Variants in FXYD5 observed in about 807,000 individuals in gnomAD.
FXYD5 encodes the protein FXYD domain-containing ion transport regulator 5.
Under a neutral mutation model 25.7 loss-of-function variants are expected in FXYD5, and 21 were observed. The observed-to-expected ratio is 0.82, with a 90% CI of 0.58 to 1.18. The LOEUF (loss-of-function observed/expected upper bound fraction) is 1.18, where lower values mean the gene tolerates loss of function less well. Among genes scored for constraint, FXYD5 ranks in the 50% most tolerant of loss-of-function variants. The probability of loss-of-function intolerance (pLI) is 0.00; values close to 1 mark genes in which losing one functional copy is unlikely to be tolerated. For missense variants in FXYD5, 229 were observed against 227.7 expected (o/e 1.01, Z -0.04); for synonymous variants, 101 against 90.7 (o/e 1.11, Z -0.64).
At position 35,166,244 on chromosome 19, in the gene FXYD5, T is replaced by C. The variant is rs2065449558; in HGVS notation, c.413-7T>C. On this transcript the variant is annotated splice_region_variant and splice_polypyrimidine_tract_variant and intron_variant, in intron 7 of 8. Coordinates refer to ENST00000392219, the MANE Select transcript of FXYD5 (RefSeq NM_014164.6). Reference sequence around the variant, plus strand: ...CTGACTCTACCCCTTCATTTTTCTCTCTGCAGATGAACACACCCTCCGGAA... The same window carrying C: ...CTGACTCTACCCCTTCATTTTTCTCCCTGCAGATGAACACACCCTCCGGAA... 6.2e-7 allele frequency: 1 copy of C among 1,612,714 alleles called. No individual in the cohort carries two copies. The highest frequency in any genetic ancestry group is 1.3e-5 in the African/African-American group (1 of 75,016).
chr19:35,156,489 A>G (rs2065356716), intron 2 of FXYD5, among the ~76,000 whole-genome samples: 1 of 152,196 alleles, frequency 6.6e-6, no homozygotes, highest in Admixed American at 6.5e-5. Context: ...GCAGAAAAGT[A>G]GAGGTAATGA....
At chr19:35,165,925 C>T (rs183484158) in intron 6 of FXYD5, among the ~76,000 whole-genome samples, 7 of 152,230 alleles carry the variant, frequency 4.6e-5, no homozygotes, top group Admixed American at 3.3e-4. Flanking sequence ...GCATGTTCAA[C>T]AGCAGGGAGG....
intron 4 of FXYD5, among the ~76,000 whole-genome samples, 194 bp downstream of exon 4, chr19:35,158,594 T>A (rs1256360378): frequency 6.6e-6 from 1 of 152,170 alleles, no homozygotes; most frequent in Admixed American, 6.5e-5. Flanking sequence ...GCTTTTGAAA[T>A]TGTGAAATTA....
At chr19:35,163,488 G>T (rs1456906191) in intron 5 of FXYD5, among the ~76,000 whole-genome samples, 1 of 150,642 alleles carries the variant, frequency 6.6e-6, no homozygotes, top group East Asian at 1.9e-4. Flanking sequence ...TTTTGTTGTT[G>T]TTGTTGTTTT....
chr19:35,169,501 C>T, intron 8 of FXYD5, 65 bp from the exon 9 acceptor site: 1 of 1,242,668 alleles, frequency 8.0e-7, no homozygotes, highest in Non-Finnish European at 1.2e-6. Context: ...TTCCCCAGCC[C>T]CACAACACAC....
chr19:35,161,924 T>C (rs185552978), intron 5 of FXYD5, among the ~76,000 whole-genome samples: 506 of 152,286 alleles, frequency 3.3e-3, no homozygotes, highest in Non-Finnish European at 6.1e-3. Flanking sequence ...AGTTTTCTAG[T>C]GATAGCAGCA....
At position 35,158,300 on chromosome 19, in the gene FXYD5, T is replaced by C. The variant is rs374957761; in HGVS notation, c.143-44T>C. The C allele has an allele frequency of 1.0e-3, 1,372 of 1,361,170 alleles. 1 individual carries two copies. Among genetic ancestry groups the C allele is most frequent in the Non-Finnish European group, 1.1e-3 (1,010 of 949,102 alleles). 84.3% of individuals were successfully genotyped at this position (1,361,170 alleles called of 1,614,324 possible). A position where few individuals can be genotyped will look rare whatever the true frequency, so the allele number is the denominator to read the frequency against. ...CCCATAGACCTTGCCCACTTCTTTT[T>C]CTCTCTCCTTTTCTCTCCGTGACTC... On this transcript the variant is annotated intron_variant, in intron 3 of 8. Coordinates refer to ENST00000392219, the MANE Select transcript of FXYD5 (RefSeq NM_014164.6).
In FXYD5 at chr19:35,166,190, G is replaced by C. The variant is rs1300423918; in HGVS notation, c.412+19G>C. 1 of 1,612,874 alleles carries C rather than the reference G, an allele frequency of 6.2e-7. No homozygotes were observed. The highest frequency in any genetic ancestry group is 8.5e-7 in the Non-Finnish European group (1 of 1,178,832). On this transcript the variant is annotated intron_variant, in intron 7 of 8. Transcript: ENST00000392219. ...TTCTATGGTAAGTTATCCACAGGAA[G>C]ATGTGGGGGAAGGAAAGGTGAGGTC...
intron 6 of FXYD5, among the ~76,000 whole-genome samples, chr19:35,165,550 C>A (rs762754014): frequency 6.6e-5 from 10 of 151,910 alleles, no homozygotes; most frequent in African/African-American, 9.7e-5. Context: ...TTTACTGCAA[C>A]CTGTTTTATC....
intron 5 of FXYD5, among the ~76,000 whole-genome samples, chr19:35,162,394 G>A (rs1600506549): frequency 6.6e-6 from 1 of 152,290 alleles, no homozygotes; most frequent in Non-Finnish European, 1.5e-5. Context: ...ACCACAGACT[G>A]GATGGCTTAA....
At chr19:35,169,094 G>A (rs1182736829) in intron 8 of FXYD5, among the ~76,000 whole-genome samples, 1 of 148,052 alleles carries the variant, frequency 6.8e-6, no homozygotes, top group East Asian at 2.0e-4. Flanking sequence ...CCTCCTCATT[G>A]AAGCCCCAGT....
intron 4 of FXYD5, among the ~76,000 whole-genome samples, chr19:35,160,383 C>T (rs1260798721): frequency 6.6e-6 from 1 of 152,044 alleles, no homozygotes; most frequent in Non-Finnish European, 1.5e-5. Context: ...GAGTTTTGCT[C>T]TTGTTGCCCA....
At chr19:35,163,313 C>T (rs374791935) in intron 5 of FXYD5, among the ~76,000 whole-genome samples, 3 of 151,924 alleles carry the variant, frequency 2.0e-5, no homozygotes, top group Admixed American at 6.6e-5. Flanking sequence ...CACGAGGGAG[C>T]TTCTCTGTCT....
Position 35,157,462 on chromosome 19 carries a change from T to G in FXYD5, c.103T>G (p.Ser35Ala), listed in dbSNP as rs1688005. The G allele has an allele frequency of 0.28, 442,134 of 1,587,782 alleles. 70,309 individuals are homozygous for G. The highest frequency in any genetic ancestry group is 0.82 in the East Asian group (36,635 of 44,540). ...TACCACGTCCAGTTCTTCAGCAGAC[T>G]CAACTATCATGGACATTCAGGTCCC... ...KDTTSSSSAD[S>A]TIMDIQVPTR... is the part of the protein sequence containing the mutation. Residue 35 changes from serine to alanine, a missense_variant, in exon 3 of 9, where the codon TCA becomes GCA. By Grantham distance (99) the Ser-to-Ala change is moderately conservative (BLOSUM62 1). Coordinates refer to ENST00000392219, the MANE Select transcript of FXYD5 (RefSeq NM_014164.6).
In FXYD5 at chr19:35,169,766, C is replaced by G; in HGVS notation, c.*151C>G. 1.6e-6 allele frequency: 1 copy of G among 642,704 alleles called. No homozygotes were observed. The highest frequency in any genetic ancestry group is 2.8e-6 in the Non-Finnish European group (1 of 357,252). The allele number at this position is 642,704 out of a possible 1,614,324, so 39.8% of individuals were successfully genotyped here. A position where few individuals can be genotyped will look rare whatever the true frequency, so the allele number is the denominator to read the frequency against. On this transcript the variant is annotated 3_prime_UTR_variant, in exon 9 of 9. Coordinates refer to ENST00000392219, the MANE Select transcript of FXYD5 (RefSeq NM_014164.6). ...GAAGCTGGAGCCAGGGCTGCCGGTCCGAGTCTCCTACCTCCCCCAACCCTG... is the reference window on the plus strand; with the variant it reads ...GAAGCTGGAGCCAGGGCTGCCGGTCGGAGTCTCCTACCTCCCCCAACCCTG...
intron 6 of FXYD5, among the ~76,000 whole-genome samples, chr19:35,165,056 GT>G (rs1479527824): frequency 6.6e-6 from 1 of 151,364 alleles, no homozygotes; most frequent in Non-Finnish European, 1.5e-5. Context: ...AAAATCTGAA[GT>G]CCAAAATGTT....
At chr19:35,155,488 G>C in intron 1 of FXYD5, 63 bp from the exon 2 acceptor site, 1 of 1,338,660 alleles carries the variant, frequency 7.5e-7, no homozygotes, top group South Asian at 1.2e-5. Flanking sequence ...AGGATCCCCG[G>C]GGGCTGCCGG....
At position 35,169,062 on chromosome 19, in the gene FXYD5, C is replaced by CAAA. The variant is rs58642459; in HGVS notation, c.488-489_488-487dup. Among the ~76,000 whole-genome samples, 187 of 127,224 alleles carry CAAA rather than the reference C, an allele frequency of 1.5e-3. 1 individual carries two copies. Among genetic ancestry groups the CAAA allele is most frequent in the East Asian group, 3.5e-3 (15 of 4,320 alleles). 83.5% of individuals were successfully genotyped at this position (127,224 alleles called of 152,430 possible). Reference sequence around the variant, plus strand: ...TGGGTGACACAGCAAGACTCTGTCTCAAAAAAAAAAAAAAAAAGTAACCTC... The same window carrying CAAA: ...TGGGTGACACAGCAAGACTCTGTCTCAAAAAAAAAAAAAAAAAAAAGTAACCTC... On this transcript the variant is annotated intron_variant, in intron 8 of 8. Transcript: ENST00000392219.
chr19:35,169,719 A>C lies in FXYD5; in HGVS notation c.*104A>C. 1.3e-6 allele frequency: 1 copy of C among 759,168 alleles called. No individual in the cohort carries two copies. The highest frequency in any genetic ancestry group is 2.3e-6 in the Non-Finnish European group (1 of 428,500). 47.0% of individuals were successfully genotyped at this position (759,168 alleles called of 1,614,324 possible). On this transcript the variant is annotated 3_prime_UTR_variant, in exon 9 of 9. Transcript: ENST00000392219. Reference sequence around the variant, plus strand: ...CTGCATCCCCTCGAAGAGCCTGGCCAGAGAGGGAAGACACAGATGATGAAG... The same window carrying C: ...CTGCATCCCCTCGAAGAGCCTGGCCCGAGAGGGAAGACACAGATGATGAAG...
Sources: gnomAD v4.1 joint callset for allele counts (sites outside exome capture counted in the v4.1 genomes callset) on GRCh38, gnomAD v4.1.1 for gene constraint, MANE v1.5 for transcripts, NCBI Gene and HGNC (gene_info 2026-07-23, HGNC 2026-07-21) for gene names.